The following LCLAT1 variants were observed in gnomAD, a reference collection of about 807,000 sequenced individuals.
LCLAT1 encodes the protein 1-AGP acyltransferase 8.
A neutral mutation model predicts 30.7 loss-of-function variants in LCLAT1; 11 were observed. The ratio of observed to expected loss-of-function variants is 0.36; its 90% CI spans 0.23 to 0.59. LCLAT1 has a LOEUF of 0.59. Ranked by LOEUF, LCLAT1 falls within the 20% of genes least tolerant of loss-of-function variation. LCLAT1 has a pLI of 0.77. For synonymous variants in LCLAT1, 155 were observed against 151.3 expected (o/e 1.02, Z -0.18); for missense variants, 402 against 458.6 (o/e 0.88, Z 1.13).
intron 2 of LCLAT1, among the ~76,000 whole-genome samples, chr2:30,532,059 A>C (rs377763608): frequency 6.6e-6 from 1 of 152,172 alleles, no homozygotes; most frequent in Non-Finnish European, 1.5e-5. Flanking sequence ...TAATTTTAGC[A>C]TCTATATAAT....
At chr2:30,489,569 G>A (rs1215037805) in intron 1 of LCLAT1, among the ~76,000 whole-genome samples, 2 of 152,160 alleles carry the variant, frequency 1.3e-5, no homozygotes, top group African/African-American at 4.8e-5. Flanking sequence ...AGCCAGGATG[G>A]TCTCGATCTC....
chr2:30,626,706 A>G (rs17323641), intron 5 of LCLAT1, among the ~76,000 whole-genome samples: 36,528 of 151,372 alleles, frequency 0.24, 4,915 homozygotes, highest in Non-Finnish European at 0.31. Flanking sequence ...TTCTCCCTCT[A>G]ATTTTCAATA....
At chr2:30,553,697 C>A (rs989278734) in intron 3 of LCLAT1, among the ~76,000 whole-genome samples, 1 of 151,796 alleles carries the variant, frequency 6.6e-6, no homozygotes, top group Non-Finnish European at 1.5e-5. Context: ...CGCCTGTAGT[C>A]CCAGCTACTC....
At chr2:30,620,349 G>A (rs1668182835) in intron 5 of LCLAT1, among the ~76,000 whole-genome samples, 1 of 152,138 alleles carries the variant, frequency 6.6e-6, no homozygotes, top group Non-Finnish European at 1.5e-5. Context: ...ATGAAGCCCA[G>A]AACTCTTCAT....
At chr2:30,635,876 A>G (rs187675512) in intron 5 of LCLAT1, among the ~76,000 whole-genome samples, 154 of 152,324 alleles carry the variant, frequency 1.0e-3, no homozygotes, top group Non-Finnish European at 1.6e-3. Context: ...GACTATACAA[A>G]TATTGGTCAA....
At chr2:30,524,258 T>C (rs887798392) in intron 1 of LCLAT1, among the ~76,000 whole-genome samples, 1 of 152,212 alleles carries the variant, frequency 6.6e-6, no homozygotes, top group Non-Finnish European at 1.5e-5. Context: ...AGTAATCCTT[T>C]GGAAATAGCC....
chr2:30,640,636 A>G lies in LCLAT1; in HGVS notation c.*17A>G. ...AATGAGTAAGATTATAAGGTTTGCC[A>G]TGTGAAAACCTAGAGCATATTTTGG... On this transcript the variant is annotated 3_prime_UTR_variant, in exon 6 of 6. Transcript: ENST00000379509. The G allele has an allele frequency of 1.9e-6, 3 of 1,565,134 alleles. No individual in the cohort carries two copies. Among genetic ancestry groups the G allele is most frequent in the Non-Finnish European group, 2.6e-6 (3 of 1,160,130 alleles).
At chr2:30,458,142 C>T (rs191079897) in intron 1 of LCLAT1, among the ~76,000 whole-genome samples, 21 of 152,128 alleles carry the variant, frequency 1.4e-4, no homozygotes, top group Admixed American at 1.4e-3. Flanking sequence ...ACAATAGTTG[C>T]TTTTGGAGAG....
intron 5 of LCLAT1, among the ~76,000 whole-genome samples, chr2:30,586,529 A>T (rs1469880555): frequency 6.6e-6 from 1 of 152,194 alleles, no homozygotes; most frequent in Non-Finnish European, 1.5e-5. Context: ...CTATAACATC[A>T]TTGTGACTTA....
chr2:30,514,545 A>G (rs1256089328), intron 1 of LCLAT1, among the ~76,000 whole-genome samples: 4 of 152,218 alleles, frequency 2.6e-5, no homozygotes, highest in East Asian at 3.8e-4. Context: ...TGTAAATACC[A>G]AGAGCCCTCT....
intron 5 of LCLAT1, among the ~76,000 whole-genome samples, chr2:30,574,143 A>C (rs1665897801): frequency 6.6e-6 from 1 of 152,034 alleles, no homozygotes; most frequent in South Asian, 2.1e-4. Flanking sequence ...ACTCTGTCTC[A>C]AAAAAATAAT....
At chr2:30,570,913 A>C (rs541078619) in intron 5 of LCLAT1, among the ~76,000 whole-genome samples, 30 of 152,098 alleles carry the variant, frequency 2.0e-4, no homozygotes, top group African/African-American at 7.0e-4. Flanking sequence ...AGAGAGAAAA[A>C]GTTTCATTAG....
chr2:30,639,951 A>G (rs549593303), intron 5 of LCLAT1, among the ~76,000 whole-genome samples, 166 bp from the exon 6 acceptor site: 57 of 151,570 alleles, frequency 3.8e-4, no homozygotes, highest in Non-Finnish European at 7.4e-4. Flanking sequence ...ACTGGTAAAT[A>G]TTGACCCAGG....
chr2:30,456,540 A>G (rs773721447), intron 1 of LCLAT1, among the ~76,000 whole-genome samples: 15 of 136,050 alleles, frequency 1.1e-4, no homozygotes, highest in Admixed American at 5.1e-4. Context: ...GGCTCCCTAC[A>G]TGGCTTTTGC....
At chr2:30,615,934 T>TTG (rs1667974243) in intron 5 of LCLAT1, among the ~76,000 whole-genome samples, 1 of 152,186 alleles carries the variant, frequency 6.6e-6, no homozygotes, top group African/African-American at 2.4e-5. Context: ...ATTGATCAGC[T>TTG]TGTGTAAGGG....
rs187035616 is a variant in LCLAT1, at chr2:30,496,593, A to G, written c.-4-28994A>G. Among the ~76,000 whole-genome samples, 101 of 152,346 alleles carry G rather than the reference A, an allele frequency of 6.6e-4. 1 individual carries two copies. The East Asian group carries it at 0.011, about 17-fold the overall frequency. ...TTCCTACCTTTTCTTATAGGTTGCC[A>G]GAAAGGTCAAATGAGAGTGTAATGG... On this transcript the variant is annotated intron_variant, in intron 1 of 5. Coordinates refer to ENST00000379509, the MANE Select transcript of LCLAT1 (RefSeq NM_001002257.3).
chr2:30,452,155 G>A (rs1681582855), intron 1 of LCLAT1, among the ~76,000 whole-genome samples: 1 of 152,082 alleles, frequency 6.6e-6, no homozygotes. Context: ...GTGGTTACAT[G>A]GGTGTATGTA....
intron 5 of LCLAT1, among the ~76,000 whole-genome samples, chr2:30,611,660 G>C (rs752757063): frequency 2.8e-4 from 43 of 152,260 alleles, no homozygotes; most frequent in Middle Eastern, 3.4e-3. Context: ...TGGAAGCTGA[G>C]GGATAACAGG....
At chr2:30,517,370 A>T (rs1262876301) in intron 1 of LCLAT1, among the ~76,000 whole-genome samples, 1 of 152,042 alleles carries the variant, frequency 6.6e-6, no homozygotes, top group Non-Finnish European at 1.5e-5. Flanking sequence ...GTTAGGTGGG[A>T]CCCGTTCCTC....
Sources: gnomAD v4.1 joint callset for allele counts (sites outside exome capture counted in the v4.1 genomes callset) on GRCh38, gnomAD v4.1.1 for gene constraint, MANE v1.5 for transcripts, NCBI Gene and HGNC (gene_info 2026-07-23, HGNC 2026-07-21) for gene names.